The following SNX32 variants were observed in gnomAD, a reference collection of about 807,000 sequenced individuals.
SNX32 encodes the protein sorting nexin-32.
A neutral mutation model predicts 57.0 loss-of-function variants in SNX32; 58 were observed. That is an observed-to-expected ratio of 1.02 (90% CI 0.82 to 1.27). The LOEUF (loss-of-function observed/expected upper bound fraction) is 1.27. Ranked by LOEUF, SNX32 falls within the 50% of genes most tolerant of loss-of-function variation. The pLI is 0.00. For synonymous variants in SNX32, 262 were observed against 220.4 expected, an observed-to-expected ratio of 1.19 and a Z score of -1.67; for missense variants, 589 against 541.2, an observed-to-expected ratio of 1.09 and a Z score of -0.88.
chr11:65,851,780 G>T, intron 9 of SNX32, 101 bp downstream of exon 9: 1 of 1,367,680 alleles, frequency 7.3e-7, no homozygotes, highest in Non-Finnish European at 1.0e-6. Flanking sequence ...TGGGTTCAGT[G>T]ATAACTTGGG....
At chr11:65,837,744 C>T (rs938639766) in intron 1 of SNX32, among the ~76,000 whole-genome samples, 33 of 128,916 alleles carry the variant, frequency 2.6e-4, no homozygotes, top group African/African-American at 8.6e-4. Context: ...GGCTTGAGCC[C>T]GGGAGATGGA....
At chr11:65,848,517 C>A (rs1397871069) in intron 1 of SNX32, among the ~76,000 whole-genome samples, 3 of 152,004 alleles carry the variant, frequency 2.0e-5, no homozygotes, top group African/African-American at 7.3e-5. Context: ...CTGCAGTGAG[C>A]TATGATGGCA....
chr11:65,853,662 C>T lies in SNX32; in HGVS notation c.*327C>T. On this transcript the variant is annotated 3_prime_UTR_variant, in exon 13 of 13. Coordinates refer to ENST00000308342, the MANE Select transcript of SNX32 (RefSeq NM_152760.3). ...GAATCATAGCTCACTTGATCCCGGC[C>T]TGTTCTCCTTCGCAAATAAAAACCC... is the stretch of plus-strand genomic sequence containing the variant. 2.5e-6 allele frequency: 1 copy of T among 399,276 alleles called. No individual in the cohort carries two copies. Among genetic ancestry groups the T allele is most frequent in the South Asian group, 3.3e-5 (1 of 30,308 alleles). The allele number at this position is 399,276 out of a possible 1,614,324, so 24.7% of individuals were successfully genotyped here.
intron 1 of SNX32, among the ~76,000 whole-genome samples, chr11:65,843,084 C>T (rs370298530): frequency 1.4e-5 from 2 of 140,536 alleles, no homozygotes; most frequent in South Asian, 2.3e-4. Flanking sequence ...ATTAGCTGGG[C>T]GTGGTGGGCA....
intron 1 of SNX32, among the ~76,000 whole-genome samples, chr11:65,839,316 G>A (rs1858769733): frequency 7.7e-6 from 1 of 129,876 alleles, no homozygotes; most frequent in African/African-American, 3.0e-5. Flanking sequence ...TGCAAGCTCC[G>A]CCTCCCGGGT....
Position 65,834,213 on chromosome 11 carries a change from T to C in SNX32, c.36+112T>C. ...TCTGTGTGTGTGTGGTCTGCCTCTG[T>C]GTGTTTCTGTGTGTGTCTGTGTGTG... On this transcript the variant is annotated intron_variant, in intron 1 of 12. Coordinates refer to ENST00000308342, the MANE Select transcript of SNX32 (RefSeq NM_152760.3). The C allele has an allele frequency of 2.9e-6, 3 of 1,019,454 alleles. No homozygotes were observed. The South Asian group carries it at 4.6e-5, about 16-fold the overall frequency. The allele number at this position is 1,019,454 out of a possible 1,614,324, so 63.2% of individuals were successfully genotyped here.
rs375062378 is a variant in SNX32, at chr11:65,850,742, G to A, written c.499-9G>A. 3 of 1,613,292 alleles carry A rather than the reference G, an allele frequency of 1.9e-6. No individual in the cohort carries two copies. Among genetic ancestry groups the A allele is most frequent in the Middle Eastern group, 1.6e-4 (1 of 6,076 alleles). The stretch of plus-strand genomic sequence containing the variant: ...CACCCCAGCATCATACCCTCCCTGT[G>A]TGCCTCAGCTGAGTGTCCGGGGGAA... On this transcript the variant is annotated splice_polypyrimidine_tract_variant and intron_variant, in intron 5 of 12. Transcript: ENST00000308342.
At chr11:65,845,950 T>A (rs533346398) in intron 1 of SNX32, among the ~76,000 whole-genome samples, 1 of 152,266 alleles carries the variant, frequency 6.6e-6, no homozygotes, top group Admixed American at 6.5e-5. Context: ...CAATGCATAA[T>A]TGCATTTCTG....
chr11:65,841,037 C>T (rs192433701), intron 1 of SNX32, among the ~76,000 whole-genome samples: 31 of 151,306 alleles, frequency 2.0e-4, no homozygotes, highest in African/African-American at 7.5e-4. Flanking sequence ...CCTCTGCCTC[C>T]GGGTTCAAGG....
chr11:65,842,251 G>C (rs1163964005), intron 1 of SNX32, among the ~76,000 whole-genome samples: 1 of 152,158 alleles, frequency 6.6e-6, no homozygotes, highest in East Asian at 1.9e-4. Flanking sequence ...GTACACCAAA[G>C]CAATTCAATA....
intron 1 of SNX32, among the ~76,000 whole-genome samples, chr11:65,843,556 G>T (rs1269021374): frequency 6.6e-6 from 1 of 152,134 alleles, no homozygotes; most frequent in Admixed American, 6.5e-5. Context: ...AACAGAGCAA[G>T]ACTCTGTCTC....
At chr11:65,850,593 G>C in intron 5 of SNX32, 39 bp downstream of exon 5, 2 of 1,576,366 alleles carry the variant, frequency 1.3e-6, no homozygotes, top group Non-Finnish European at 8.6e-7. Context: ...CCTTGGGCCA[G>C]GAGTCTACCT....
At position 65,851,026 on chromosome 11, in the gene SNX32, G is replaced by C. The variant is rs754826898; in HGVS notation, c.604-29G>C. 8 of 1,595,046 alleles carry C rather than the reference G, an allele frequency of 5.0e-6. No individual in the cohort carries two copies. In the African/African-American group the frequency reaches 1.1e-4, roughly 21 times the overall value. Reference sequence around the variant, plus strand: ...TTGTCAAGCCCCGTGGTGACCCAGTGTAAATGGGGTCCTGCCTGGCTCCCT... The same window carrying C: ...TTGTCAAGCCCCGTGGTGACCCAGTCTAAATGGGGTCCTGCCTGGCTCCCT... On this transcript the variant is annotated intron_variant, in intron 6 of 12. Coordinates refer to ENST00000308342, the MANE Select transcript of SNX32 (RefSeq NM_152760.3).
intron 1 of SNX32, among the ~76,000 whole-genome samples, chr11:65,835,212 T>C (rs1239263369): frequency 6.6e-6 from 1 of 151,982 alleles, no homozygotes; most frequent in African/African-American, 2.4e-5. Flanking sequence ...GTGTGCGGAC[T>C]GATGAGGATG....
rs1168882508 is a variant in SNX32 at position 65,839,225 on chromosome 11, A to ATTTTTTTTTTTTTTTTTTTT, written c.36+5127_36+5146dup. Reference sequence around the variant, plus strand: ...CACCACGCCCAGCTAATTTTTTTGTATTTTTTTTTTTTTTTTTTTTTTGAG... The same window carrying ATTTTTTTTTTTTTTTTTTTT: ...CACCACGCCCAGCTAATTTTTTTGTATTTTTTTTTTTTTTTTTTTTTTTTTTTTTTTTTTTTTTTTTTGAG... On this transcript the variant is annotated intron_variant, in intron 1 of 12. Transcript: ENST00000308342. Among the ~76,000 whole-genome samples, 31 of 27,638 alleles carry ATTTTTTTTTTTTTTTTTTTT rather than the reference A, an allele frequency of 1.1e-3. 7 individuals are homozygous for ATTTTTTTTTTTTTTTTTTTT. Among genetic ancestry groups the ATTTTTTTTTTTTTTTTTTTT allele is most frequent in the Admixed American group, 2.2e-3 (3 of 1,360 alleles). 18.1% of individuals were successfully genotyped at this position (27,638 alleles called of 152,430 possible).
intron 1 of SNX32, among the ~76,000 whole-genome samples, chr11:65,841,730 G>A (rs563417587): frequency 6.6e-6 from 1 of 151,356 alleles, no homozygotes; most frequent in Non-Finnish European, 1.5e-5. Context: ...ACAAGACTCT[G>A]TCTCAAAAAA....
At chr11:65,835,172 G>A (rs1251183892) in intron 1 of SNX32, among the ~76,000 whole-genome samples, 3 of 152,132 alleles carry the variant, frequency 2.0e-5, no homozygotes, top group Admixed American at 2.0e-4. Context: ...GGAGACTTGA[G>A]CAAGGGAGTG....
chr11:65,834,503 C>A (rs1037597920), intron 1 of SNX32, among the ~76,000 whole-genome samples: 6 of 130,298 alleles, frequency 4.6e-5, no homozygotes, highest in African/African-American at 1.8e-4. Context: ...GGTGTTTGTG[C>A]GTGCATGTCT....
intron 10 of SNX32, 33 bp downstream of exon 10, chr11:65,852,584 C>T (rs376064835): frequency 4.0e-5 from 64 of 1,613,866 alleles, no homozygotes; most frequent in African/African-American, 1.2e-4. Flanking sequence ...CGCTCAGGCC[C>T]GGATGCCAGG....
Sources: allele counts gnomAD v4.1 joint callset (sites outside exome capture counted in the v4.1 genomes callset), GRCh38; gene constraint gnomAD v4.1.1; transcripts MANE v1.5; gene names NCBI Gene and HGNC (gene_info 2026-07-23, HGNC 2026-07-21).